Variants in CCSER1 observed in about 807,000 individuals in gnomAD.
CCSER1 encodes coiled-coil serine rich protein 1.
CCSER1 carries 41 observed loss-of-function variants against 82.0 expected under a neutral mutation model. The ratio of observed to expected loss-of-function variants is 0.50; its 90% confidence interval spans 0.39 to 0.65. CCSER1 has a LOEUF of 0.65. Ranked by LOEUF, CCSER1 falls within the 30% of genes least tolerant of loss-of-function variation. The probability of loss-of-function intolerance (pLI) is 0.00; values close to 1 mark genes in which losing one functional copy is unlikely to be tolerated. For synonymous variants in CCSER1, 414 were observed against 383.9 expected (o/e 1.08, Z -0.92); for missense variants, 1,119 against 1,064.2 (o/e 1.05, Z -0.72).
chr4:90,692,601 T>C (rs1736201523), intron 6 of CCSER1, among the ~76,000 whole-genome samples: 1 of 151,934 alleles, frequency 6.6e-6, no homozygotes, highest in African/African-American at 2.4e-5. Flanking sequence ...TTAAATACAG[T>C]ACCTTGTTAA....
At chr4:90,367,445 TATC>T in intron 3 of CCSER1, among the ~76,000 whole-genome samples, 1 of 151,904 alleles carries the variant, frequency 6.6e-6, no homozygotes. Flanking sequence ...TTAGTAGTGG[TATC>T]ATATGGAAAA....
chr4:91,480,873 G>T (rs1757869369), intron 10 of CCSER1, among the ~76,000 whole-genome samples: 1 of 152,106 alleles, frequency 6.6e-6, no homozygotes, highest in African/African-American at 2.4e-5. Flanking sequence ...TCAAAAACAG[G>T]TACTCAATCT....
chr4:91,045,894 A>C (rs13107322), intron 9 of CCSER1, among the ~76,000 whole-genome samples: 2 of 133,692 alleles, frequency 1.5e-5, no homozygotes, highest in Non-Finnish European at 3.2e-5. Context: ...GAGAGTCAGC[A>C]AAGGGAGATA....
intron 8 of CCSER1, among the ~76,000 whole-genome samples, chr4:90,825,868 T>C (rs1302092212): frequency 6.6e-6 from 1 of 151,936 alleles, no homozygotes; most frequent in Admixed American, 6.6e-5. Context: ...TTTTCTGTAT[T>C]TTTAGTAGAG....
intron 10 of CCSER1, among the ~76,000 whole-genome samples, chr4:91,251,468 C>G: frequency 6.6e-6 from 1 of 152,032 alleles, no homozygotes; most frequent in Non-Finnish European, 1.5e-5. Context: ...CTATAGTAGT[C>G]ACATAGCAGA....
chr4:90,393,653 A>C (rs1450706913), intron 3 of CCSER1, among the ~76,000 whole-genome samples: 1 of 152,154 alleles, frequency 6.6e-6, no homozygotes, highest in African/African-American at 2.4e-5. Context: ...ATATGTGATT[A>C]ATAACTTCTC....
chr4:91,279,084 A>G (rs1742707350), intron 10 of CCSER1, among the ~76,000 whole-genome samples: 1 of 151,570 alleles, frequency 6.6e-6, no homozygotes, highest in Non-Finnish European at 1.5e-5. Flanking sequence ...TTCAGCACTG[A>G]ATATATCACT....
At chr4:91,161,733 T>A (rs12498970) in intron 10 of CCSER1, among the ~76,000 whole-genome samples, 107,639 of 151,520 alleles carry the variant, frequency 0.71, 38,667 homozygotes, top group Non-Finnish European at 0.78. Context: ...GGAATGCGTG[T>A]GATTTTTGCA....
At chr4:91,436,460 A>G (rs1041460015) in intron 10 of CCSER1, among the ~76,000 whole-genome samples, 13 of 152,196 alleles carry the variant, frequency 8.5e-5, no homozygotes, top group African/African-American at 2.7e-4. Flanking sequence ...TCTTGCCTCA[A>G]TGAGAGTTAA....
chr4:90,479,472 A>T (rs1186953577), intron 5 of CCSER1, among the ~76,000 whole-genome samples: 1 of 152,060 alleles, frequency 6.6e-6, no homozygotes, highest in African/African-American at 2.4e-5. Flanking sequence ...GGTGTGCTGC[A>T]CCCATTAACT....
At chr4:90,747,380 C>G (rs1333167923) in intron 7 of CCSER1, among the ~76,000 whole-genome samples, 2 of 151,836 alleles carry the variant, frequency 1.3e-5, no homozygotes, top group East Asian at 1.9e-4. Context: ...TCTTGGAGGT[C>G]AGCAAATCAA....
intron 10 of CCSER1, among the ~76,000 whole-genome samples, chr4:91,300,306 G>A (rs962641191): frequency 4.6e-5 from 7 of 151,864 alleles, no homozygotes; most frequent in African/African-American, 1.7e-4. Flanking sequence ...AAAATGTCTA[G>A]TTTTGGTATC....
rs1412488478 is a variant in CCSER1 at position 91,413,515 on chromosome 4, CA to C, written c.2218-185052del. Among the ~76,000 whole-genome samples, 11 of 149,702 alleles carry C rather than the reference CA, an allele frequency of 7.3e-5. 1 individual carries two copies. The highest frequency in any genetic ancestry group is 7.3e-4 in the Admixed American group (11 of 15,034). ...CAAGAACAACAACAACAAAAAAAAA[CA>C]AAAAGAATGAAAAAAATTAAAACAA... is the stretch of plus-strand genomic sequence containing the variant. On this transcript the variant is annotated intron_variant, in intron 10 of 10. Transcript: ENST00000509176.
At chr4:90,497,449 T>G (rs1004052092) in intron 5 of CCSER1, among the ~76,000 whole-genome samples, 2 of 152,224 alleles carry the variant, frequency 1.3e-5, no homozygotes, top group African/African-American at 4.8e-5. Context: ...TGTTCTTTTT[T>G]TGTTATTACA....
intron 1 of CCSER1, among the ~76,000 whole-genome samples, chr4:90,279,450 GA>G (rs1328792792): frequency 2.0e-5 from 3 of 151,988 alleles, no homozygotes; most frequent in African/African-American, 7.2e-5. Flanking sequence ...AAATGCTGCA[GA>G]GTAAGCAATA....
intron 6 of CCSER1, among the ~76,000 whole-genome samples, chr4:90,701,881 G>A (rs980292744): frequency 2.6e-5 from 4 of 152,282 alleles, no homozygotes; most frequent in South Asian, 2.1e-4. Flanking sequence ...GGGTTGAGAC[G>A]ATGGGGTTTT....
At position 90,953,391 on chromosome 4, in the gene CCSER1, A is replaced by G. The variant is rs879532156; in HGVS notation, c.2172+29944A>G. ...AAATTTAGCAAAATAAAAATGTTCT[A>G]TTTTACAATGAAACTTTTCTTACTA... On this transcript the variant is annotated intron_variant, in intron 9 of 10. Transcript: ENST00000509176. 5.3e-5 allele frequency among the ~76,000 whole-genome samples: 8 copies of G among 151,742 alleles called. No individual in the cohort carries two copies. The South Asian group carries it at 6.2e-4, about 12-fold the overall frequency.
In CCSER1 at chr4:91,054,172, T is replaced by A. The variant is rs934205927; in HGVS notation, c.2173-31778T>A. 1.2e-4 allele frequency among the ~76,000 whole-genome samples: 19 copies of A among 152,254 alleles called. 1 individual carries two copies. The highest frequency in any genetic ancestry group is 5.2e-4 in the Admixed American group (8 of 15,290). On this transcript the variant is annotated intron_variant, in intron 9 of 10. Transcript: ENST00000509176. ...GGCCACATCATATACTTGCCAGCTA[T>A]ACTCTGCCACTGCCTCTGGAGCTGT...
intron 6 of CCSER1, among the ~76,000 whole-genome samples, chr4:90,707,064 T>C (rs1739486713): frequency 1.3e-5 from 2 of 152,174 alleles, no homozygotes; most frequent in Admixed American, 1.3e-4. Flanking sequence ...CATCAGACTG[T>C]ATCACTTGCT....
Sources: gnomAD v4.1 joint callset for allele counts (sites outside exome capture counted in the v4.1 genomes callset) on GRCh38, gnomAD v4.1.1 for gene constraint, MANE v1.5 for transcripts, NCBI Gene and HGNC (gene_info 2026-07-23, HGNC 2026-07-21) for gene names.